The following ADAMTSL1 variants were observed in gnomAD, a reference collection of about 807,000 sequenced individuals.
The protein encoded by ADAMTSL1 is ADAMTS like 1.
In ADAMTSL1, 126 loss-of-function variants were observed where a neutral mutation model predicts 201.8. The ratio of observed to expected loss-of-function variants is 0.62; its 90% CI spans 0.54 to 0.72. The LOEUF is 0.72. Ranked by LOEUF, ADAMTSL1 falls within the 30% of genes least tolerant of loss-of-function variation. The pLI, the probability that ADAMTSL1 is intolerant of heterozygous loss-of-function variation, is 0.00. For missense variants in ADAMTSL1, 2,679 were observed against 2,277.8 expected, an observed-to-expected ratio of 1.18 and a Z score of -3.59; for synonymous variants, 1,121 against 903.4, an observed-to-expected ratio of 1.24 and a Z score of -4.32.
At chr9:18,176,750 A>G (rs1828180365) in intron 2 of ADAMTSL1, among the ~76,000 whole-genome samples, 1 of 152,200 alleles carries the variant, frequency 6.6e-6, no homozygotes, top group African/African-American at 2.4e-5. Flanking sequence ...TATACTTTCT[A>G]GGAGTTCAGA....
At chr9:18,000,259 A>G (rs1489439779) in intron 1 of ADAMTSL1, among the ~76,000 whole-genome samples, 1 of 150,906 alleles carries the variant, frequency 6.6e-6, no homozygotes, top group East Asian at 2.0e-4. Flanking sequence ...CATCCTCTCC[A>G]GCACCTGTTG....
At chr9:18,006,207 T>A (rs1196212767) in intron 1 of ADAMTSL1, among the ~76,000 whole-genome samples, 1 of 151,968 alleles carries the variant, frequency 6.6e-6, no homozygotes, top group Non-Finnish European at 1.5e-5. Flanking sequence ...GCTAGAGCAG[T>A]CCATTGTATA....
At chr9:18,610,884 A>G (rs1346334821) in intron 4 of ADAMTSL1, among the ~76,000 whole-genome samples, 1 of 152,234 alleles carries the variant, frequency 6.6e-6, no homozygotes, top group Non-Finnish European at 1.5e-5. Flanking sequence ...AATTGTGTGT[A>G]GAATTTTGTT....
chr9:18,134,065 C>T (rs1022111626), intron 1 of ADAMTSL1, among the ~76,000 whole-genome samples: 22 of 152,146 alleles, frequency 1.4e-4, no homozygotes, highest in African/African-American at 4.3e-4. Flanking sequence ...AAGTTACCTA[C>T]ATTTGTAAGC....
At chr9:18,694,783 G>T (rs1230559482) in intron 13 of ADAMTSL1, among the ~76,000 whole-genome samples, 15 of 152,150 alleles carry the variant, frequency 9.9e-5, no homozygotes, top group Admixed American at 9.2e-4. Flanking sequence ...ACTAGGCAGT[G>T]CCCCAGTTGA....
intron 2 of ADAMTSL1, among the ~76,000 whole-genome samples, chr9:18,223,654 A>G (rs925083907): frequency 6.6e-6 from 1 of 152,144 alleles, no homozygotes; most frequent in African/African-American, 2.4e-5. Flanking sequence ...TCATACCTGC[A>G]AGCATTTTAT....
intron 23 of ADAMTSL1, among the ~76,000 whole-genome samples, chr9:18,864,047 C>A (rs1013954887): frequency 3.3e-5 from 5 of 152,224 alleles, no homozygotes; most frequent in African/African-American, 1.2e-4. Context: ...AATGCCACAT[C>A]TTTCATACTT....
chr9:18,040,450 C>T (rs991998622), intron 1 of ADAMTSL1, among the ~76,000 whole-genome samples: 1 of 152,132 alleles, frequency 6.6e-6, no homozygotes, highest in African/African-American at 2.4e-5. Flanking sequence ...CTCATGCATG[C>T]AAGGTGCATA....
chr9:18,350,800 C>T lies in ADAMTSL1; in HGVS notation c.208-154029C>T, dbSNP rs944407254. Among the ~76,000 whole-genome samples the T allele has an allele frequency of 3.9e-5, 6 of 152,246 alleles. No homozygotes were observed. The South Asian group carries it at 1.0e-3, about 26-fold the overall frequency. On this transcript the variant is annotated intron_variant, in intron 2 of 29. Coordinates refer to the ADAMTSL1 transcript ENST00000680146. ...GGGGTGAATTGGAAAGAACAGTTTTCCACCTCACAGTTTTATGGAATTGGC... is the reference window on the plus strand; with the variant it reads ...GGGGTGAATTGGAAAGAACAGTTTTTCACCTCACAGTTTTATGGAATTGGC...
At chr9:18,464,794 A>C (rs906521340) in intron 2 of ADAMTSL1, among the ~76,000 whole-genome samples, 8 of 152,202 alleles carry the variant, frequency 5.3e-5, no homozygotes, top group African/African-American at 1.9e-4. Context: ...CAGTGCAAAA[A>C]AGACAGTATC....
At chr9:18,690,303 G>T (rs2133236127) in intron 13 of ADAMTSL1, among the ~76,000 whole-genome samples, 1 of 151,964 alleles carries the variant, frequency 6.6e-6, no homozygotes, top group East Asian at 1.9e-4. Context: ...TAAGAATGTA[G>T]ATGGCTTAAC....
At chr9:18,109,098 C>T (rs1369064630) in intron 1 of ADAMTSL1, among the ~76,000 whole-genome samples, 1 of 152,160 alleles carries the variant, frequency 6.6e-6, no homozygotes, top group African/African-American at 2.4e-5. Context: ...CATACATAGA[C>T]ATTAGAAGTT....
intron 4 of ADAMTSL1, among the ~76,000 whole-genome samples, chr9:18,595,181 T>A (rs1449771426): frequency 6.6e-6 from 1 of 152,194 alleles, no homozygotes; most frequent in East Asian, 1.9e-4. Context: ...CAGAAGACTA[T>A]CCTTTTGGCC....
In ADAMTSL1 at chr9:18,310,215, C is replaced by A. The variant is rs181820498; in HGVS notation, c.207+146234C>A. 1.2e-3 allele frequency among the ~76,000 whole-genome samples: 180 copies of A among 151,626 alleles called. 1 individual carries two copies. Among genetic ancestry groups the A allele is most frequent in the African/African-American group, 4.2e-3 (175 of 41,378 alleles). On this transcript the variant is annotated intron_variant, in intron 2 of 29. Coordinates refer to the ADAMTSL1 transcript ENST00000680146. The stretch of plus-strand genomic sequence containing the variant: ...GATGGTATAAACACTTAAACATAAG[C>A]CCTAAAACCATAAAAATCCTAGAAG...
At chr9:18,847,101 C>A (rs1444163507) in intron 23 of ADAMTSL1, among the ~76,000 whole-genome samples, 2 of 152,214 alleles carry the variant, frequency 1.3e-5, no homozygotes, top group Non-Finnish European at 2.9e-5. Context: ...AATGCTAGGT[C>A]CTGTGCCTTT....
intron 9 of ADAMTSL1, among the ~76,000 whole-genome samples, chr9:18,673,997 A>T (rs552396542): frequency 1.3e-5 from 2 of 152,226 alleles, no homozygotes; most frequent in Admixed American, 1.3e-4. Flanking sequence ...TGATTGTAAC[A>T]TGAGGAACGA....
intron 1 of ADAMTSL1, among the ~76,000 whole-genome samples, chr9:18,133,014 C>G (rs1363230899): frequency 6.6e-6 from 1 of 151,986 alleles, no homozygotes; most frequent in Non-Finnish European, 1.5e-5. Flanking sequence ...AGATTCTGTC[C>G]CAGGATTAAG....
At chr9:18,425,247 C>T (rs996392244) in intron 2 of ADAMTSL1, among the ~76,000 whole-genome samples, 2 of 151,852 alleles carry the variant, frequency 1.3e-5, no homozygotes, top group African/African-American at 4.8e-5. Flanking sequence ...CTCCCAATCT[C>T]GTGTTCTCAC....
intron 1 of ADAMTSL1, among the ~76,000 whole-genome samples, chr9:18,163,074 G>A (rs1044001947): frequency 3.9e-5 from 6 of 152,026 alleles, no homozygotes; most frequent in Non-Finnish European, 8.8e-5. Context: ...TGAATGTATA[G>A]GAGTTACTTA....
Sources: gnomAD v4.1 joint callset for allele counts (sites outside exome capture counted in the v4.1 genomes callset) on GRCh38, gnomAD v4.1.1 for gene constraint, MANE v1.5 for transcripts, NCBI Gene and HGNC (gene_info 2026-07-23, HGNC 2026-07-21) for gene names.